Variants in KYNU observed in about 807,000 individuals in gnomAD.
The protein encoded by KYNU is kynureninase.
In KYNU, 54 loss-of-function variants were observed where a neutral mutation model predicts 59.2. The observed-to-expected ratio is 0.91, with a 90% CI of 0.73 to 1.14. The LOEUF is 1.14. KYNU is among the 50% of genes most tolerant of loss of function. The pLI is 0.00. For synonymous variants in KYNU, 177 were observed against 192.0 expected (o/e 0.92, Z 0.65); for missense variants, 567 against 554.4 (o/e 1.02, Z -0.23).
At chr2:142,909,477 A>G (rs1468769357) in intron 2 of KYNU, among the ~76,000 whole-genome samples, 1 of 152,318 alleles carries the variant, frequency 6.6e-6, no homozygotes, top group South Asian at 2.1e-4. Context: ...ATTGTACCCA[A>G]TAGGTAGTAT....
chr2:142,972,789 G>A (rs1163062090), intron 8 of KYNU, among the ~76,000 whole-genome samples: 1 of 124,774 alleles, frequency 8.0e-6, no homozygotes, highest in South Asian at 3.0e-4. Flanking sequence ...AGAGACAGAG[G>A]CCATATATAT....
intron 1 of KYNU, 135 bp downstream of exon 1, chr2:142,877,871 T>C (rs747778735): frequency 4.6e-5 from 7 of 152,174 alleles, no homozygotes; most frequent in African/African-American, 9.6e-5. Context: ...TCTTTTTTTA[T>C]ATATATTCTT....
intron 8 of KYNU, among the ~76,000 whole-genome samples, chr2:142,961,275 CTTTT>C (rs1156276566): frequency 2.1e-5 from 2 of 94,436 alleles, no homozygotes; most frequent in African/African-American, 9.3e-5. Context: ...ATTTAAACTG[CTTTT>C]TTTTTTTTTT....
chr2:142,961,174 C>G (rs1684333749), intron 8 of KYNU, among the ~76,000 whole-genome samples: 1 of 141,508 alleles, frequency 7.1e-6, no homozygotes, highest in African/African-American at 2.8e-5. Flanking sequence ...GCCTGGGCAA[C>G]AGAGCAAGAC....
intron 4 of KYNU, among the ~76,000 whole-genome samples, chr2:142,953,537 GAGA>G (rs568061334): frequency 7.6e-4 from 116 of 152,272 alleles, no homozygotes; most frequent in Admixed American, 1.3e-3. Flanking sequence ...TTGAAACATG[GAGA>G]AGAAGGCATA....
intron 7 of KYNU, among the ~76,000 whole-genome samples, chr2:142,958,328 C>G (rs879012150): frequency 6.6e-6 from 1 of 152,118 alleles, no homozygotes; most frequent in Admixed American, 6.6e-5. Context: ...AAGCATGTGT[C>G]TAATCAGGCT....
intron 7 of KYNU, among the ~76,000 whole-genome samples, chr2:142,960,016 A>G (rs2105096438): frequency 6.6e-6 from 1 of 152,248 alleles, no homozygotes; most frequent in South Asian, 2.1e-4. Flanking sequence ...CCACCCAAGT[A>G]GCTGGGATTA....
chr2:142,935,795 T>A (rs1683371228), intron 4 of KYNU, among the ~76,000 whole-genome samples: 1 of 152,038 alleles, frequency 6.6e-6, no homozygotes. Flanking sequence ...TGGTTCCTGC[T>A]GAGGGTATGA....
intron 2 of KYNU, among the ~76,000 whole-genome samples, chr2:142,917,032 A>G (rs1417333266): frequency 6.6e-6 from 1 of 152,194 alleles, no homozygotes; most frequent in Non-Finnish European, 1.5e-5. Context: ...TAATATCACA[A>G]TCTCTACAAT....
At chr2:142,962,263 A>C (rs1321440761) in intron 8 of KYNU, among the ~76,000 whole-genome samples, 1 of 152,212 alleles carries the variant, frequency 6.6e-6, no homozygotes, top group Non-Finnish European at 1.5e-5. Context: ...CTGAGGTTCA[A>C]ATCTTGGCTA....
At position 143,012,120 on chromosome 2, in the gene KYNU, G is replaced by A. The variant is rs1355555653; in HGVS notation, c.903-17507G>A. Among the ~76,000 whole-genome samples the A allele has an allele frequency of 7.3e-5, 11 of 150,954 alleles. 1 individual carries two copies. The highest frequency in any genetic ancestry group is 7.2e-4 in the Admixed American group (11 of 15,188). On this transcript the variant is annotated intron_variant, in intron 10 of 13. Coordinates refer to ENST00000264170, the MANE Select transcript of KYNU (RefSeq NM_003937.3). Reference sequence around the variant, plus strand: ...TCCCCAAAGCGGAGGGTGTCCCCAAGTTGGAGGTTCTCCAAAATACAAAAT... The same window carrying A: ...TCCCCAAAGCGGAGGGTGTCCCCAAATTGGAGGTTCTCCAAAATACAAAAT...
intron 3 of KYNU, among the ~76,000 whole-genome samples, chr2:142,922,227 G>A (rs552867856): frequency 1.4e-4 from 21 of 152,302 alleles, no homozygotes; most frequent in African/African-American, 3.8e-4. Flanking sequence ...TTGACCAGGC[G>A]TGGTGGTTCA....
intron 8 of KYNU, among the ~76,000 whole-genome samples, chr2:142,981,624 T>C (rs1445497807): frequency 1.3e-5 from 2 of 152,076 alleles, no homozygotes; most frequent in Non-Finnish European, 2.9e-5. Flanking sequence ...GCACTTGTCT[T>C]ATTTTCATGG....
intron 8 of KYNU, among the ~76,000 whole-genome samples, chr2:142,976,648 G>A (rs1684890544): frequency 1.3e-5 from 2 of 152,088 alleles, no homozygotes. Flanking sequence ...TTATCAGAAG[G>A]TTGTGAACTC....
chr2:142,998,966 G>A (rs867722661), intron 10 of KYNU, among the ~76,000 whole-genome samples: 1 of 129,768 alleles, frequency 7.7e-6, no homozygotes, highest in Non-Finnish European at 1.5e-5. Context: ...CAGAGATCAC[G>A]TCACTGCACT....
chr2:142,956,272 C>G lies in KYNU; in HGVS notation c.505C>G (p.His169Asp). 1.9e-6 allele frequency: 3 copies of G among 1,576,762 alleles called. No individual in the cohort carries two copies. Among genetic ancestry groups the G allele is most frequent in the Non-Finnish European group, 2.6e-6 (3 of 1,146,778 alleles). The change falls in exon 6 of 14, where the codon CAT (histidine) becomes GAT (aspartate). Residue 169 changes from histidine to aspartate, a missense_variant and splice_region_variant. By Grantham distance (81) the His-to-Asp change is moderately conservative. Coordinates refer to ENST00000264170, the MANE Select transcript of KYNU (RefSeq NM_003937.3). ...AGAAGCCAAAGCCTTCCCTTCTGAT[C>G]ATGTAAGGACTTCTTCAAATTGTAT... ...LLEAKAFPSDHYAIESQLQLH... is the reference protein window; with the variant it reads ...LLEAKAFPSDDYAIESQLQLH...
At chr2:142,935,056 C>T (rs1032690180) in intron 4 of KYNU, among the ~76,000 whole-genome samples, 6 of 152,126 alleles carry the variant, frequency 3.9e-5, no homozygotes, top group South Asian at 2.1e-4. Context: ...TTCCTCATCA[C>T]GATTGTTAAA....
At chr2:142,897,346 A>T (rs4662187) in intron 2 of KYNU, among the ~76,000 whole-genome samples, 8,245 of 152,292 alleles carry the variant, frequency 0.054, 468 homozygotes, top group Admixed American at 0.14. Flanking sequence ...ATTTATGGAC[A>T]TAATCATAAA....
intron 4 of KYNU, among the ~76,000 whole-genome samples, chr2:142,944,186 C>G (rs968667268): frequency 1.3e-5 from 2 of 152,148 alleles, no homozygotes; most frequent in African/African-American, 4.8e-5. Context: ...ACATCAGTTT[C>G]CTCGTTATGA....
Sources: gnomAD v4.1 joint callset for allele counts (sites outside exome capture counted in the v4.1 genomes callset) on GRCh38, gnomAD v4.1.1 for gene constraint, MANE v1.5 for transcripts, NCBI Gene and HGNC (gene_info 2026-07-23, HGNC 2026-07-21) for gene names.